ATRNL1: variants seen among roughly 807,000 people sequenced by gnomAD.
ATRNL1 encodes the protein attractin like 1.
Under a neutral mutation model 182.7 loss-of-function variants are expected in ATRNL1, and 95 were observed. That is an observed-to-expected ratio of 0.52 (90% confidence interval 0.44 to 0.62). The LOEUF is 0.62. ATRNL1 is among the 20% of genes least tolerant of loss of function. The pLI is 0.00. For missense variants in ATRNL1, 1,471 were observed against 1,679.5 expected (o/e 0.88, Z 2.17); for synonymous variants, 576 against 568.3 (o/e 1.01, Z -0.19).
rs149334467 is a variant in ATRNL1, at chr10:115,138,069, C to T, written c.829+8534C>T. ...TCTGAAATCCAGCAGTGCAGTCAAA[C>T]CTTAAAGCTCCAAAATGATCTCCTT... On this transcript the variant is annotated intron_variant, in intron 5 of 28. Transcript: ENST00000355044. Among the ~76,000 whole-genome samples, 435 of 152,320 alleles carry T rather than the reference C, an allele frequency of 2.9e-3. 1 individual carries two copies. Among genetic ancestry groups the T allele is most frequent in the African/African-American group, 9.9e-3 (410 of 41,572 alleles).
intron 26 of ATRNL1, among the ~76,000 whole-genome samples, chr10:115,634,661 T>A (rs541109242): frequency 6.6e-6 from 1 of 152,304 alleles, no homozygotes; most frequent in Non-Finnish European, 1.5e-5. Flanking sequence ...TGAATGTAAC[T>A]TAGAAAAATG....
intron 26 of ATRNL1, among the ~76,000 whole-genome samples, chr10:115,683,139 C>T (rs1337125924): frequency 6.6e-6 from 1 of 151,964 alleles, no homozygotes; most frequent in Non-Finnish European, 1.5e-5. Context: ...TATGTTTATA[C>T]ATATGGATAT....
chr10:115,421,418 G>T (rs530943710), intron 20 of ATRNL1, among the ~76,000 whole-genome samples: 4 of 152,152 alleles, frequency 2.6e-5, no homozygotes, highest in Admixed American at 1.3e-4. Flanking sequence ...GTGTTACATT[G>T]CATTACTAGG....
At chr10:115,623,035 A>G (rs1857873666) in intron 26 of ATRNL1, among the ~76,000 whole-genome samples, 2 of 152,232 alleles carry the variant, frequency 1.3e-5, no homozygotes, top group South Asian at 4.1e-4. Context: ...ATTATCTAAC[A>G]GCATAGCGTC....
intron 8 of ATRNL1, among the ~76,000 whole-genome samples, chr10:115,193,976 C>G (rs1554890462): frequency 6.6e-6 from 1 of 151,688 alleles, no homozygotes; most frequent in African/African-American, 2.4e-5. Flanking sequence ...TTTTTAGAAG[C>G]ATTTCCATGA....
intron 26 of ATRNL1, among the ~76,000 whole-genome samples, chr10:115,563,504 C>A (rs1555000421): frequency 6.6e-6 from 1 of 151,988 alleles, no homozygotes; most frequent in East Asian, 1.9e-4. Context: ...AGATTTAAAC[C>A]TAATACAGAA....
chr10:115,742,011 C>G (rs1234136034), intron 27 of ATRNL1, among the ~76,000 whole-genome samples: 1 of 152,052 alleles, frequency 6.6e-6, no homozygotes, highest in African/African-American at 2.4e-5. Flanking sequence ...TCAAAGCAGT[C>G]AATGAAGATA....
chr10:115,852,333 T>C (rs1278636164), intron 28 of ATRNL1, among the ~76,000 whole-genome samples: 1 of 152,228 alleles, frequency 6.6e-6, no homozygotes, highest in Non-Finnish European at 1.5e-5. Context: ...TTATTTTGAA[T>C]AATCTAGAAA....
chr10:115,471,712 G>A (rs980244562), intron 24 of ATRNL1, among the ~76,000 whole-genome samples: 4 of 150,756 alleles, frequency 2.7e-5, no homozygotes, highest in African/African-American at 7.3e-5. Context: ...TTGCTATTGC[G>A]TTTCATGAGT....
At chr10:115,174,056 T>G (rs1182609124) in intron 8 of ATRNL1, among the ~76,000 whole-genome samples, 2 of 151,826 alleles carry the variant, frequency 1.3e-5, no homozygotes, top group Non-Finnish European at 2.9e-5. Flanking sequence ...ATGGGTGTGG[T>G]AAGTTTTGAG....
intron 17 of ATRNL1, among the ~76,000 whole-genome samples, chr10:115,313,060 G>T: frequency 6.6e-6 from 1 of 151,312 alleles, no homozygotes; most frequent in Admixed American, 6.6e-5. Flanking sequence ...TTCTTATGTT[G>T]GTTTTCACTT....
rs565830181 is a variant in ATRNL1, at chr10:115,888,825, G to A, written c.4018+40834G>A. 1.2e-4 allele frequency among the ~76,000 whole-genome samples: 18 copies of A among 152,262 alleles called. No homozygotes were observed. The South Asian group carries it at 3.7e-3, about 32-fold the overall frequency. The stretch of plus-strand genomic sequence containing the variant: ...CATTTTCCTAGCATGTGGCTCACAA[G>A]GCAGCCACAAAGCATGGAGAGGCCT... On this transcript the variant is annotated intron_variant, in intron 28 of 28. Transcript: ENST00000355044.
chr10:115,600,935 T>G (rs1334748937), intron 26 of ATRNL1, among the ~76,000 whole-genome samples: 4 of 42,990 alleles, frequency 9.3e-5, no homozygotes, highest in African/African-American at 4.2e-4. Context: ...TTTTCTTTTT[T>G]TTTTTTTTTT....
chr10:115,759,191 T>C (rs1593178233), intron 27 of ATRNL1, among the ~76,000 whole-genome samples: 1 of 152,168 alleles, frequency 6.6e-6, no homozygotes, highest in African/African-American at 2.4e-5. Context: ...CTTGAGGAAA[T>C]TGGCATTTTT....
intron 9 of ATRNL1, among the ~76,000 whole-genome samples, chr10:115,222,862 A>G (rs540823225): frequency 5.9e-5 from 9 of 152,380 alleles, no homozygotes; most frequent in Admixed American, 6.5e-5. Flanking sequence ...ATGAAATTAT[A>G]GAGATGATTC....
chr10:115,259,656 G>C (rs1851313240), intron 10 of ATRNL1, among the ~76,000 whole-genome samples: 1 of 152,066 alleles, frequency 6.6e-6, no homozygotes, highest in Non-Finnish European at 1.5e-5. Context: ...AGATGAACCA[G>C]GTACCTCAGT....
intron 25 of ATRNL1, among the ~76,000 whole-genome samples, chr10:115,538,403 G>C (rs1554991085): frequency 6.6e-6 from 1 of 152,166 alleles, no homozygotes; most frequent in Non-Finnish European, 1.5e-5. Flanking sequence ...TAAATGTGTA[G>C]TGGTATCTTG....
At chr10:115,263,576 A>C (rs1851480060) in intron 10 of ATRNL1, among the ~76,000 whole-genome samples, 1 of 151,830 alleles carries the variant, frequency 6.6e-6, no homozygotes, top group Non-Finnish European at 1.5e-5. Context: ...CATCAATTTC[A>C]CTGGATTCTT....
At position 115,166,561 on chromosome 10, in the gene ATRNL1, T is replaced by C. The variant is rs555880061; in HGVS notation, c.1092+916T>C. On this transcript the variant is annotated intron_variant, in intron 7 of 28. Coordinates refer to ENST00000355044, the MANE Select transcript of ATRNL1 (RefSeq NM_207303.4). ...GGGTTCCAGTTTGTCCACAGCCTTG[T>C]CAACACTTGTTATTTTCTGTTTTTG... Among the ~76,000 whole-genome samples the C allele has an allele frequency of 2.6e-5, 4 of 152,066 alleles. No individual in the cohort carries two copies. In the East Asian group the frequency reaches 7.7e-4, roughly 29 times the overall value.
Sources: allele counts gnomAD v4.1 joint callset (sites outside exome capture counted in the v4.1 genomes callset), GRCh38; gene constraint gnomAD v4.1.1; transcripts MANE v1.5; gene names NCBI Gene and HGNC (gene_info 2026-07-23, HGNC 2026-07-21).